Variants in COL26A1 observed in about 807,000 individuals in gnomAD.
COL26A1 encodes the protein collagen alpha-1(XXVI) chain.
In COL26A1, 41 loss-of-function variants were observed where a neutral mutation model predicts 59.3. The observed-to-expected ratio is 0.69, with a 90% CI of 0.54 to 0.90. The LOEUF is 0.90. COL26A1 is among the 40% of genes least tolerant of loss of function. The pLI is 0.00. For synonymous variants in COL26A1, 266 were observed against 256.0 expected (o/e 1.04, Z -0.37); for missense variants, 612 against 602.3 (o/e 1.02, Z -0.17).
intron 8 of COL26A1, among the ~76,000 whole-genome samples, chr7:101,548,880 A>G (rs1374016230): frequency 6.6e-6 from 1 of 152,126 alleles, no homozygotes; most frequent in East Asian, 1.9e-4. Flanking sequence ...GCGTGGGAGC[A>G]GTCTGGACGG....
intron 3 of COL26A1, among the ~76,000 whole-genome samples, chr7:101,511,680 G>T (rs1481712362): frequency 6.6e-6 from 1 of 152,182 alleles, no homozygotes; most frequent in African/African-American, 2.4e-5. Flanking sequence ...TACAAAAAGG[G>T]GCCCATCAGA....
In COL26A1 at chr7:101,362,959, T is replaced by G; in HGVS notation, c.-74T>G. 10 of 1,450,550 alleles carry G rather than the reference T, an allele frequency of 6.9e-6. No homozygotes were observed. In the South Asian group the frequency reaches 1.3e-4, roughly 19 times the overall value. 89.9% of individuals were successfully genotyped at this position (1,450,550 alleles called of 1,614,324 possible). A position where few individuals can be genotyped will look rare whatever the true frequency, so the allele number is the denominator to read the frequency against. The stretch of plus-strand genomic sequence containing the variant: ...TGTGCTCCCGGCCGGTGCCGCGGGT[T>G]CGGTCCGGGCGCCGGTGCGCTCCTG... On this transcript the variant is annotated 5_prime_UTR_variant, in exon 1 of 13. Transcript: ENST00000313669.
chr7:101,426,885 G>A (rs1448711630), intron 2 of COL26A1, among the ~76,000 whole-genome samples: 3 of 152,140 alleles, frequency 2.0e-5, no homozygotes, highest in Admixed American at 6.5e-5. Context: ...CTTGCATTCC[G>A]CTCTCTGAGG....
chr7:101,375,263 G>A (rs890483846), intron 1 of COL26A1, among the ~76,000 whole-genome samples: 2 of 152,082 alleles, frequency 1.3e-5, no homozygotes, highest in African/African-American at 2.4e-5. Flanking sequence ...GCTTATGCAA[G>A]TTAATATTAA....
At position 101,459,542 on chromosome 7, in the gene COL26A1, T is replaced by C. The variant is rs139027451; in HGVS notation, c.385+11755T>C. Among the ~76,000 whole-genome samples the C allele has an allele frequency of 8.3e-3, 1,227 of 147,546 alleles. 24 individuals carry two copies. Among genetic ancestry groups the C allele is most frequent in the East Asian group, 0.043 (207 of 4,786 alleles). On this transcript the variant is annotated intron_variant, in intron 3 of 12. Coordinates refer to ENST00000313669, the MANE Select transcript of COL26A1 (RefSeq NM_001278563.3). The stretch of plus-strand genomic sequence containing the variant: ...CCAGGATGGTCTCGATCTCCTGACC[T>C]CATGATCCTCCCACCTTGGCCTCCC...
intron 3 of COL26A1, among the ~76,000 whole-genome samples, chr7:101,527,855 C>T (rs1457804571): frequency 6.6e-6 from 1 of 152,094 alleles, no homozygotes; most frequent in South Asian, 2.1e-4. Flanking sequence ...GGAAAGTTAG[C>T]GACCACATCG....
chr7:101,523,030 T>G (rs961524660), intron 3 of COL26A1, among the ~76,000 whole-genome samples: 2 of 152,158 alleles, frequency 1.3e-5, no homozygotes, highest in Non-Finnish European at 2.9e-5. Context: ...ATATACTTCT[T>G]CATTCATTCT....
At chr7:101,499,619 G>T (rs1794658321) in intron 3 of COL26A1, among the ~76,000 whole-genome samples, 1 of 152,098 alleles carries the variant, frequency 6.6e-6, no homozygotes, top group African/African-American at 2.4e-5. Context: ...GGGAGGTGGA[G>T]GTTACAGTGA....
intron 3 of COL26A1, among the ~76,000 whole-genome samples, chr7:101,487,002 G>C (rs995392334): frequency 1.3e-5 from 2 of 152,208 alleles, no homozygotes; most frequent in Non-Finnish European, 2.9e-5. Context: ...AGCCTGGGCC[G>C]ACAGCTCCCA....
intron 3 of COL26A1, among the ~76,000 whole-genome samples, chr7:101,491,767 T>A (rs1243501202): frequency 6.6e-6 from 1 of 152,222 alleles, no homozygotes; most frequent in Non-Finnish European, 1.5e-5. Context: ...GTTTCTTTAC[T>A]GCAAACTGTT....
At chr7:101,538,525 A>G (rs898988855) in intron 4 of COL26A1, among the ~76,000 whole-genome samples, 1 of 151,932 alleles carries the variant, frequency 6.6e-6, no homozygotes, top group Non-Finnish European at 1.5e-5. Context: ...AGTTTCATGG[A>G]CCCTTCTAAG....
At position 101,447,729 on chromosome 7, in the gene COL26A1, G is replaced by C. The variant is rs375184069; in HGVS notation, c.327G>C (p.Thr109=). 2 of 1,607,120 alleles carry C rather than the reference G, an allele frequency of 1.2e-6. No homozygotes were observed. The highest frequency in any genetic ancestry group is 1.7e-6 in the Non-Finnish European group (2 of 1,177,020). Residue 109 remains threonine, a synonymous_variant, in exon 3 of 13, where the codon ACG becomes ACC. Transcript: ENST00000313669. The part of the protein sequence containing the change: ...IRPTYRVSYR[T]VTVLEWRCCP... Reference sequence around the variant, plus strand: ...CCACCTACAGAGTGTCCTACCGCACGGTGACGGTGCTGGAGTGGAGATGCT... The same window carrying C: ...CCACCTACAGAGTGTCCTACCGCACCGTGACGGTGCTGGAGTGGAGATGCT...
intron 1 of COL26A1, among the ~76,000 whole-genome samples, chr7:101,387,549 CTTT>C (rs1199527027): frequency 6.9e-6 from 1 of 144,152 alleles, no homozygotes; most frequent in Non-Finnish European, 1.5e-5. Context: ...TTATTTTCTT[CTTT>C]TTATTTTTAT....
intron 3 of COL26A1, among the ~76,000 whole-genome samples, chr7:101,500,402 T>C (rs1194884008): frequency 1.3e-5 from 2 of 152,130 alleles, no homozygotes; most frequent in Non-Finnish European, 2.9e-5. Flanking sequence ...TTGCTTATGG[T>C]TTTTTCAACA....
At chr7:101,407,039 C>G (rs1792143767) in intron 1 of COL26A1, among the ~76,000 whole-genome samples, 1 of 152,192 alleles carries the variant, frequency 6.6e-6, no homozygotes, top group South Asian at 2.1e-4. Context: ...TCCTCCAGAG[C>G]CAACATGTCT....
chr7:101,431,712 G>A (rs1792783970), intron 2 of COL26A1, among the ~76,000 whole-genome samples: 2 of 152,002 alleles, frequency 1.3e-5, no homozygotes, highest in Non-Finnish European at 2.9e-5. Context: ...TCGTTAGGCT[G>A]TTAATATGAT....
At chr7:101,550,513 G>A (rs1018758774) in intron 9 of COL26A1, among the ~76,000 whole-genome samples, 3 of 152,022 alleles carry the variant, frequency 2.0e-5, no homozygotes, top group Non-Finnish European at 1.5e-5. Flanking sequence ...AAGTAGACTC[G>A]GCATGTCTGG....
chr7:101,421,278 C>A (rs1792512597), intron 2 of COL26A1, among the ~76,000 whole-genome samples: 1 of 152,176 alleles, frequency 6.6e-6, no homozygotes, highest in Non-Finnish European at 1.5e-5. Context: ...CAAATGCCTC[C>A]TTCCTCCGGG....
At chr7:101,362,768 C>T (rs1781901800), upstream of COL26A1, 6 of 501,304 alleles carry the variant, frequency 1.2e-5, no homozygotes, top group African/African-American at 8.3e-5. Flanking sequence ...ACTGCCGCCT[C>T]CTCGGCCCCG....
Sources: gnomAD v4.1 joint callset for allele counts (sites outside exome capture counted in the v4.1 genomes callset) on GRCh38, gnomAD v4.1.1 for gene constraint, MANE v1.5 for transcripts, NCBI Gene and HGNC (gene_info 2026-07-23, HGNC 2026-07-21) for gene names.